DPYD: variants seen among roughly 807,000 people sequenced by gnomAD.
The protein encoded by DPYD is dihydropyrimidine dehydrogenase [NADP(+)].
A neutral mutation model predicts 116.2 loss-of-function variants in DPYD; 109 were observed. The observed-to-expected ratio is 0.94, with a 90% CI of 0.80 to 1.10. The LOEUF (loss-of-function observed/expected upper bound fraction) is 1.10, where lower values mean the gene tolerates loss of function less well. Ranked by LOEUF, DPYD falls within the 50% of genes least tolerant of loss-of-function variation. The pLI, the probability that DPYD is intolerant of heterozygous loss-of-function variation, is 0.00. For synonymous variants in DPYD, 440 were observed against 432.0 expected (o/e 1.02, Z -0.23); for missense variants, 1,302 against 1,254.5 (o/e 1.04, Z -0.57).
At chr1:97,705,346 T>C (rs1306962722) in intron 5 of DPYD, among the ~76,000 whole-genome samples, 1 of 152,066 alleles carries the variant, frequency 6.6e-6, no homozygotes, top group Non-Finnish European at 1.5e-5. Flanking sequence ...TGTGTTCTCA[T>C]TGTTCAATTC....
intron 2 of DPYD, among the ~76,000 whole-genome samples, chr1:97,838,649 T>C (rs1669891065): frequency 6.6e-6 from 1 of 151,908 alleles, no homozygotes; most frequent in South Asian, 2.1e-4. Context: ...ATCGAGACCA[T>C]CCTGGCTAAC....
intron 4 of DPYD, among the ~76,000 whole-genome samples, chr1:97,734,868 A>G (rs1663836215): frequency 1.3e-5 from 2 of 152,064 alleles, no homozygotes; most frequent in Admixed American, 1.3e-4. Flanking sequence ...CATAAGACTC[A>G]ATCATAAAAC....
intron 16 of DPYD, among the ~76,000 whole-genome samples, chr1:97,331,334 C>T (rs1026818756): frequency 2.6e-5 from 4 of 151,998 alleles, no homozygotes; most frequent in Non-Finnish European, 5.9e-5. Flanking sequence ...AAAAGTTAGT[C>T]AGGCGTGGTG....
At chr1:97,678,594 G>C (rs1219374980) in intron 8 of DPYD, among the ~76,000 whole-genome samples, 1 of 152,150 alleles carries the variant, frequency 6.6e-6, no homozygotes, top group Non-Finnish European at 1.5e-5. Flanking sequence ...AGTATACAGT[G>C]AGTGCCTCAG....
At chr1:97,377,684 C>A (rs1001251375) in intron 15 of DPYD, among the ~76,000 whole-genome samples, 1 of 152,230 alleles carries the variant, frequency 6.6e-6, no homozygotes, top group African/African-American at 2.4e-5. Flanking sequence ...CATTTCTCCT[C>A]TCTTCTCCTT....
chr1:97,534,481 G>A (rs777460099), intron 12 of DPYD, among the ~76,000 whole-genome samples: 6 of 152,042 alleles, frequency 3.9e-5, no homozygotes, highest in East Asian at 1.9e-4. Flanking sequence ...CAGTAGAACC[G>A]AGAACAGAAA....
At chr1:97,138,030 C>T (rs1469978190) in intron 20 of DPYD, among the ~76,000 whole-genome samples, 2 of 152,140 alleles carry the variant, frequency 1.3e-5, no homozygotes, top group African/African-American at 4.8e-5. Flanking sequence ...TATCTCTTAT[C>T]AGCAGTACGG....
Position 97,552,718 on chromosome 1 carries a change from A to C in DPYD, c.1340-2974T>G, listed in dbSNP as rs960440208. Among the ~76,000 whole-genome samples the C allele has an allele frequency of 2.0e-5, 3 of 152,194 alleles. No individual in the cohort carries two copies. In the South Asian group the frequency reaches 6.2e-4, roughly 32 times the overall value. On this transcript the variant is annotated intron_variant, in intron 11 of 22. Coordinates refer to ENST00000370192, the MANE Select transcript of DPYD (RefSeq NM_000110.4). ...TAATATCCAGCTAACCTCATTAAAA[A>C]TCAAACAATTCTTTGATACTCTATT...
In DPYD at chr1:97,366,496, C is replaced by T. The variant is rs577487848; in HGVS notation, c.2058+7065G>A. On this transcript the variant is annotated intron_variant, in intron 16 of 22. Transcript: ENST00000370192. Reference sequence around the variant, plus strand: ...TTTCATAGTGCAATGATTTTCAAACCCATAAAAGTGATGCCTCAGGGGATC... The same window carrying T: ...TTTCATAGTGCAATGATTTTCAAACTCATAAAAGTGATGCCTCAGGGGATC... 3.9e-5 allele frequency among the ~76,000 whole-genome samples: 6 copies of T among 152,110 alleles called. No individual in the cohort carries two copies. The South Asian group carries it at 8.3e-4, about 21-fold the overall frequency.
At chr1:97,348,803 T>C (rs1669985322) in intron 16 of DPYD, among the ~76,000 whole-genome samples, 2 of 152,022 alleles carry the variant, frequency 1.3e-5, no homozygotes, top group South Asian at 4.2e-4. Flanking sequence ...CTCATGCAGT[T>C]GGCGGACAGA....
chr1:97,251,689 C>T (rs900858719), intron 18 of DPYD, among the ~76,000 whole-genome samples: 4 of 152,054 alleles, frequency 2.6e-5, no homozygotes, highest in Admixed American at 2.6e-4. Flanking sequence ...AGTGATAAAT[C>T]ACTAGTTACT....
chr1:97,483,634 T>A (rs1678446414), intron 13 of DPYD, among the ~76,000 whole-genome samples: 1 of 152,042 alleles, frequency 6.6e-6, no homozygotes, highest in Non-Finnish European at 1.5e-5. Context: ...ATCCTGCACA[T>A]ATATTCTGGA....
At chr1:97,316,521 TAAAATAAAATAAAATAA>T (rs1360574861) in intron 16 of DPYD, among the ~76,000 whole-genome samples, 3 of 91,082 alleles carry the variant, frequency 3.3e-5, no homozygotes, top group African/African-American at 1.0e-4. Flanking sequence ...CTCAATAAAA[TAAAATAAAATAAAATAA>T]AATAAAATAA....
chr1:97,480,749 G>A (rs2101879672), intron 13 of DPYD, among the ~76,000 whole-genome samples: 1 of 152,324 alleles, frequency 6.6e-6, no homozygotes, highest in African/African-American at 2.4e-5. Flanking sequence ...GGGAGGCCGA[G>A]GCATGCAGAT....
chr1:97,182,676 GA>G (rs1260941310), intron 20 of DPYD, among the ~76,000 whole-genome samples: 1 of 152,048 alleles, frequency 6.6e-6, no homozygotes, highest in African/African-American at 2.4e-5. Context: ...GCCATACAAT[GA>G]ACTTGAAGAA....
intron 2 of DPYD, among the ~76,000 whole-genome samples, chr1:97,853,521 T>C (rs1329871973): frequency 1.3e-5 from 2 of 152,210 alleles, no homozygotes; most frequent in African/African-American, 4.8e-5. Context: ...GTGTGATACA[T>C]ATTACACTAC....
chr1:97,227,432 T>G (rs1394630497), intron 19 of DPYD, among the ~76,000 whole-genome samples: 2 of 151,770 alleles, frequency 1.3e-5, no homozygotes, highest in East Asian at 3.9e-4. Context: ...AAGAGACATT[T>G]CAGTTTATCA....
intron 19 of DPYD, among the ~76,000 whole-genome samples, chr1:97,198,651 C>A (rs1658985179): frequency 6.6e-6 from 1 of 152,106 alleles, no homozygotes; most frequent in Non-Finnish European, 1.5e-5. Flanking sequence ...TATATGACAT[C>A]TCTTAATTGT....
At chr1:97,367,026 G>A (rs928806014) in intron 16 of DPYD, among the ~76,000 whole-genome samples, 6 of 152,032 alleles carry the variant, frequency 3.9e-5, no homozygotes, top group Admixed American at 2.0e-4. Flanking sequence ...TCCAAGCAGG[G>A]CTGTGGTCAT....
Sources: allele counts gnomAD v4.1 joint callset (sites outside exome capture counted in the v4.1 genomes callset), GRCh38; gene constraint gnomAD v4.1.1; transcripts MANE v1.5; gene names NCBI Gene and HGNC (gene_info 2026-07-23, HGNC 2026-07-21).